DOCK2: variants seen among roughly 807,000 people sequenced by gnomAD.
The protein encoded by DOCK2 is dedicator of cytokinesis 2.
A neutral mutation model predicts 248.9 loss-of-function variants in DOCK2; 87 were observed. That is an observed-to-expected ratio of 0.35 (90% CI 0.29 to 0.42). The LOEUF (loss-of-function observed/expected upper bound fraction) is 0.42. Ranked by LOEUF, DOCK2 falls within the 10% of genes least tolerant of loss-of-function variation. DOCK2 has a pLI of 1.00. For missense variants in DOCK2, 1,747 were observed against 2,300.2 expected, an observed-to-expected ratio of 0.76 and a Z score of 4.92; for synonymous variants, 805 against 821.6, an observed-to-expected ratio of 0.98 and a Z score of 0.35.
chr5:169,874,935 T>C lies in DOCK2; in HGVS notation c.2799+34083T>C, dbSNP rs370112869. On this transcript the variant is annotated intron_variant, in intron 27 of 51. Coordinates refer to ENST00000520908, the MANE Select transcript of DOCK2 (RefSeq NM_004946.3). ...GCCTGCTCCATGAGTAATCCTCTCC[T>C]CTCTCTTCCTTCCCTCGCCCTTGCC... 3.3e-5 allele frequency among the ~76,000 whole-genome samples: 5 copies of C among 152,220 alleles called. No homozygotes were observed. In the East Asian group the frequency reaches 5.8e-4, roughly 18 times the overall value.
At chr5:169,904,593 C>G (rs754553422) in intron 27 of DOCK2, among the ~76,000 whole-genome samples, 28 of 152,118 alleles carry the variant, frequency 1.8e-4, no homozygotes, top group Non-Finnish European at 3.4e-4. Context: ...TCATCTCATT[C>G]TCTCTCATTC....
intron 25 of DOCK2, among the ~76,000 whole-genome samples, chr5:169,784,110 T>C (rs1765858281): frequency 7.6e-6 from 1 of 131,236 alleles, no homozygotes; most frequent in Non-Finnish European, 1.6e-5. Context: ...GCGTGGATTG[T>C]GGTCAATTTC....
In DOCK2 at chr5:169,905,658, A is replaced by G. The variant is rs372445308; in HGVS notation, c.2799+64806A>G. Among the ~76,000 whole-genome samples, 76 of 152,292 alleles carry G rather than the reference A, an allele frequency of 5.0e-4. 1 individual carries two copies. In the East Asian group the frequency reaches 0.012, roughly 24 times the overall value. On this transcript the variant is annotated intron_variant, in intron 27 of 51. Transcript: ENST00000520908. The stretch of plus-strand genomic sequence containing the variant: ...AGGGATGGGTGTGGGGTAGGCAGGG[A>G]CTGGACAAACCATCCAGGCTGTGTG...
chr5:169,652,561 G>A (rs781710573), intron 1 of DOCK2, among the ~76,000 whole-genome samples: 3 of 152,246 alleles, frequency 2.0e-5, no homozygotes, highest in Non-Finnish European at 4.4e-5. Context: ...AAAACCCTGC[G>A]AGATAGGTAC....
rs374211096 is a variant in DOCK2, at chr5:169,972,587, G to A, written c.2800-10481G>A. On this transcript the variant is annotated intron_variant, in intron 27 of 51. Transcript: ENST00000520908. ...TAGATAGATAGATAGATAGATAGAT[G>A]ATAGATAGATAGATAGATAGATAGA... is the stretch of plus-strand genomic sequence containing the variant. Among the ~76,000 whole-genome samples the A allele has an allele frequency of 5.7e-4, 12 of 21,122 alleles. 1 individual carries two copies. Among genetic ancestry groups the A allele is most frequent in the South Asian group, 2.3e-3 (1 of 438 alleles). 13.9% of individuals were successfully genotyped at this position (21,122 alleles called of 152,430 possible).
chr5:169,689,847 C>A (rs904306242), intron 9 of DOCK2, among the ~76,000 whole-genome samples: 2 of 152,176 alleles, frequency 1.3e-5, no homozygotes, highest in South Asian at 4.1e-4. Flanking sequence ...TAGGATCATC[C>A]TTCTAAATAC....
chr5:169,708,659 G>A (rs961341998), intron 15 of DOCK2, among the ~76,000 whole-genome samples: 6 of 151,858 alleles, frequency 4.0e-5, no homozygotes, highest in African/African-American at 1.5e-4. Context: ...CTGTCTCCCA[G>A]GTTCTAGTGA....
intron 34 of DOCK2, among the ~76,000 whole-genome samples, chr5:170,029,660 C>A (rs1038206293): frequency 2.6e-5 from 4 of 152,214 alleles, no homozygotes; most frequent in South Asian, 2.1e-4. Flanking sequence ...TCCCGCGAGG[C>A]CTTCTCCTAA....
At chr5:169,675,132 G>A (rs1759259257) in intron 6 of DOCK2, among the ~76,000 whole-genome samples, 1 of 152,206 alleles carries the variant, frequency 6.6e-6, no homozygotes, top group South Asian at 2.1e-4. Flanking sequence ...AAGAAACCGA[G>A]GGTTTTCAGT....
At chr5:169,967,638 TC>T (rs754488381) in intron 27 of DOCK2, among the ~76,000 whole-genome samples, 2 of 152,158 alleles carry the variant, frequency 1.3e-5, no homozygotes, top group African/African-American at 2.4e-5. Context: ...AGATTTAGTC[TC>T]ATTTCCATTA....
intron 29 of DOCK2, among the ~76,000 whole-genome samples, chr5:169,992,821 A>G (rs1357974986): frequency 1.3e-5 from 2 of 152,178 alleles, no homozygotes; most frequent in Non-Finnish European, 2.9e-5. Context: ...TTACTTTTCC[A>G]AACCCAAACA....
intron 42 of DOCK2, chr5:170,056,455 C>T: frequency 2.1e-6 from 1 of 480,154 alleles, no homozygotes; most frequent in South Asian, 3.3e-5. Context: ...ACTATGTTCT[C>T]AAAGGGGCAC....
chr5:169,842,308 T>A (rs1770028887), intron 27 of DOCK2, among the ~76,000 whole-genome samples: 1 of 152,164 alleles, frequency 6.6e-6, no homozygotes, highest in Non-Finnish European at 1.5e-5. Context: ...GTCTTTGTCA[T>A]TTGTCTTACT....
intron 27 of DOCK2, among the ~76,000 whole-genome samples, chr5:169,982,128 C>G (rs535716673): frequency 6.6e-6 from 1 of 151,606 alleles, no homozygotes; most frequent in South Asian, 2.1e-4. Context: ...TCCACAAGCC[C>G]GTGCTTGGCT....
intron 43 of DOCK2, 147 bp downstream of exon 43, chr5:170,056,915 C>T: frequency 3.0e-6 from 2 of 670,954 alleles, no homozygotes; most frequent in Admixed American, 2.8e-5. Flanking sequence ...CGTCCGTTCC[C>T]CAATCTCTTC....
intron 22 of DOCK2, among the ~76,000 whole-genome samples, chr5:169,738,997 G>A (rs960379135): frequency 2.0e-5 from 3 of 152,312 alleles, no homozygotes; most frequent in South Asian, 4.1e-4. Flanking sequence ...TTCCTTGGGT[G>A]TTCCCAAATT....
intron 29 of DOCK2, among the ~76,000 whole-genome samples, chr5:169,994,889 G>C (rs1404667512): frequency 6.6e-6 from 1 of 152,112 alleles, no homozygotes; most frequent in East Asian, 1.9e-4. Flanking sequence ...AGAGACTGGA[G>C]GCTGCAAGAC....
chr5:169,680,009 A>T (rs1052602976), intron 6 of DOCK2, among the ~76,000 whole-genome samples: 3 of 152,086 alleles, frequency 2.0e-5, no homozygotes, highest in African/African-American at 7.2e-5. Context: ...GAGGCTCTTC[A>T]TCTCAATATC....
chr5:170,049,001 A>G (rs1341027618), intron 40 of DOCK2, among the ~76,000 whole-genome samples: 1 of 152,242 alleles, frequency 6.6e-6, no homozygotes, highest in Non-Finnish European at 1.5e-5. Flanking sequence ...AGTGATTGCC[A>G]TGAGCCGCAG....
Sources: allele counts gnomAD v4.1 joint callset (sites outside exome capture counted in the v4.1 genomes callset), GRCh38; gene constraint gnomAD v4.1.1; transcripts MANE v1.5; gene names NCBI Gene and HGNC (gene_info 2026-07-23, HGNC 2026-07-21).